The following HS6ST3 variants were observed in gnomAD, a reference collection of about 807,000 sequenced individuals.
HS6ST3 encodes heparan-sulfate 6-O-sulfotransferase 3.
Under a neutral mutation model 36.7 loss-of-function variants are expected in HS6ST3, and 12 were observed. The ratio of observed to expected loss-of-function variants is 0.33; its 90% CI spans 0.21 to 0.53. HS6ST3 has a LOEUF of 0.53. Among genes scored for constraint, HS6ST3 ranks in the 20% least tolerant of loss-of-function variants. HS6ST3 has a pLI of 0.95. For synonymous variants in HS6ST3, 240 were observed against 257.5 expected (o/e 0.93, Z 0.65); for missense variants, 584 against 640.9 (o/e 0.91, Z 0.96).
chr13:96,769,065 C>G (rs554163271), intron 1 of HS6ST3, among the ~76,000 whole-genome samples: 39 of 152,176 alleles, frequency 2.6e-4, no homozygotes, highest in African/African-American at 9.1e-4. Context: ...ACATTGAAAT[C>G]CCCCACAACC....
chr13:96,436,333 G>A (rs2055642301), intron 1 of HS6ST3, among the ~76,000 whole-genome samples: 1 of 152,104 alleles, frequency 6.6e-6, no homozygotes, highest in African/African-American at 2.4e-5. Flanking sequence ...GTATTTATCT[G>A]TACCTTTGTA....
chr13:96,318,394 T>C (rs1232321612), intron 1 of HS6ST3, among the ~76,000 whole-genome samples: 1 of 152,056 alleles, frequency 6.6e-6, no homozygotes, highest in Non-Finnish European at 1.5e-5. Context: ...TAGCCAGGTA[T>C]GGTGGCAGCT....
chr13:96,234,148 G>A (rs1051867692), intron 1 of HS6ST3, among the ~76,000 whole-genome samples: 7 of 151,582 alleles, frequency 4.6e-5, no homozygotes, highest in Middle Eastern at 3.4e-3. Context: ...GGTGGCTCAC[G>A]CCTGTAATCC....
chr13:96,557,832 G>T (rs763634898), intron 1 of HS6ST3, among the ~76,000 whole-genome samples: 1 of 152,174 alleles, frequency 6.6e-6, no homozygotes, highest in Non-Finnish European at 1.5e-5. Context: ...ATTGACTTTG[G>T]AAGTCAGACA....
intron 1 of HS6ST3, among the ~76,000 whole-genome samples, chr13:96,123,128 A>G (rs576258160): frequency 6.6e-6 from 1 of 152,140 alleles, no homozygotes; most frequent in Non-Finnish European, 1.5e-5. Context: ...TGAACTTACT[A>G]TCCATATTTA....
chr13:96,745,986 G>T (rs1483157840), intron 1 of HS6ST3, among the ~76,000 whole-genome samples: 1 of 151,826 alleles, frequency 6.6e-6, no homozygotes, highest in Non-Finnish European at 1.5e-5. Context: ...TTTTCTAATG[G>T]GCATAAGTTG....
At chr13:96,137,385 T>C (rs2139315223) in intron 1 of HS6ST3, among the ~76,000 whole-genome samples, 1 of 152,158 alleles carries the variant, frequency 6.6e-6, no homozygotes, top group Admixed American at 6.5e-5. Flanking sequence ...ATTTTTCCAT[T>C]CTACCCTCTG....
intron 1 of HS6ST3, among the ~76,000 whole-genome samples, chr13:96,385,179 C>CAA (rs1161128795): frequency 2.8e-5 from 1 of 35,608 alleles, no homozygotes; most frequent in Non-Finnish European, 7.4e-5. Flanking sequence ...AACTCTGTAT[C>CAA]CAAAAAAAAA....
At chr13:96,515,054 C>T (rs1312417287) in intron 1 of HS6ST3, among the ~76,000 whole-genome samples, 1 of 152,198 alleles carries the variant, frequency 6.6e-6, no homozygotes, top group East Asian at 1.9e-4. Flanking sequence ...AGAATTTGAT[C>T]TATCTCTATG....
At chr13:96,213,005 T>C (rs1229630243) in intron 1 of HS6ST3, among the ~76,000 whole-genome samples, 1 of 152,222 alleles carries the variant, frequency 6.6e-6, no homozygotes, top group African/African-American at 2.4e-5. Flanking sequence ...TAGGAAAATA[T>C]TGATTTTTCT....
intron 1 of HS6ST3, among the ~76,000 whole-genome samples, chr13:96,518,223 A>G (rs1197252283): frequency 1.3e-5 from 2 of 152,232 alleles, no homozygotes; most frequent in African/African-American, 4.8e-5. Flanking sequence ...TTATTAAAAT[A>G]AAAGCAATGA....
chr13:96,822,632 G>C (rs1878561059), intron 1 of HS6ST3, among the ~76,000 whole-genome samples: 1 of 152,150 alleles, frequency 6.6e-6, no homozygotes, highest in Non-Finnish European at 1.5e-5. Context: ...AGGGAAGCAG[G>C]GGGTTGACTG....
At chr13:96,314,947 A>G (rs1400337773) in intron 1 of HS6ST3, among the ~76,000 whole-genome samples, 1 of 152,196 alleles carries the variant, frequency 6.6e-6, no homozygotes, top group Non-Finnish European at 1.5e-5. Flanking sequence ...AAAAGCAAAA[A>G]CAAATAAAAT....
chr13:96,336,760 A>G (rs2055103409), intron 1 of HS6ST3, among the ~76,000 whole-genome samples: 1 of 152,212 alleles, frequency 6.6e-6, no homozygotes, highest in South Asian at 2.1e-4. Flanking sequence ...ATATATTGGT[A>G]TGGAAGAAAG....
intron 1 of HS6ST3, among the ~76,000 whole-genome samples, chr13:96,792,663 C>T (rs1877819458): frequency 6.6e-6 from 1 of 151,892 alleles, no homozygotes. Context: ...GTTCACTTTT[C>T]CAGAAAGAAG....
intron 1 of HS6ST3, among the ~76,000 whole-genome samples, chr13:96,536,083 T>C (rs2056154197): frequency 6.6e-6 from 1 of 152,218 alleles, no homozygotes; most frequent in African/African-American, 2.4e-5. Context: ...AAAATTATGA[T>C]GGGCCCTTAT....
At chr13:96,701,774 A>G (rs926295243) in intron 1 of HS6ST3, among the ~76,000 whole-genome samples, 27 of 152,124 alleles carry the variant, frequency 1.8e-4, no homozygotes, top group African/African-American at 6.3e-4. Context: ...AGCCTGGGCA[A>G]CATGATGACA....
intron 1 of HS6ST3, among the ~76,000 whole-genome samples, chr13:96,750,082 C>A (rs1243414918): frequency 6.6e-6 from 1 of 152,032 alleles, no homozygotes; most frequent in Non-Finnish European, 1.5e-5. Context: ...TCAATGTTAT[C>A]AGTTTAACAA....
chr13:96,123,091 A>G (rs2139307329), intron 1 of HS6ST3, among the ~76,000 whole-genome samples: 1 of 152,156 alleles, frequency 6.6e-6, no homozygotes, highest in East Asian at 1.9e-4. Context: ...TACCCCATCT[A>G]TTCTGTCTTC....
Sources: allele counts gnomAD v4.1 joint callset (sites outside exome capture counted in the v4.1 genomes callset), GRCh38; gene constraint gnomAD v4.1.1; transcripts MANE v1.5; gene names NCBI Gene and HGNC (gene_info 2026-07-23, HGNC 2026-07-21).